Variants in PLEKHB2 observed in about 807,000 individuals in gnomAD.
The protein encoded by PLEKHB2 is pleckstrin homology domain-containing family B member 2.
A neutral mutation model predicts 36.5 loss-of-function variants in PLEKHB2; 31 were observed. The observed-to-expected ratio is 0.85, with a 90% CI of 0.64 to 1.15. The LOEUF (loss-of-function observed/expected upper bound fraction) is 1.15, where lower values mean the gene tolerates loss of function less well. Ranked by LOEUF, PLEKHB2 falls within the 50% of genes most tolerant of loss-of-function variation. PLEKHB2 has a pLI of 0.00. For synonymous variants in PLEKHB2, 119 were observed against 112.0 expected, an observed-to-expected ratio of 1.06 and a Z score of -0.39; for missense variants, 262 against 295.3, an observed-to-expected ratio of 0.89 and a Z score of 0.83.
intron 1 of PLEKHB2, among the ~76,000 whole-genome samples, chr2:131,117,303 C>T (rs574428363): frequency 3.2e-4 from 48 of 150,978 alleles, no homozygotes; most frequent in Admixed American, 2.4e-3. Context: ...GGCACACGCC[C>T]GTAATTCTAG....
intron 1 of PLEKHB2, among the ~76,000 whole-genome samples, chr2:131,111,525 C>T (rs1317371336): frequency 6.7e-6 from 1 of 149,726 alleles, no homozygotes; most frequent in Non-Finnish European, 1.5e-5. Flanking sequence ...AGTCTCACTC[C>T]AGTCACCCAG....
At chr2:131,130,307 G>A (rs1405742745) in intron 4 of PLEKHB2, among the ~76,000 whole-genome samples, 1 of 152,162 alleles carries the variant, frequency 6.6e-6, no homozygotes, top group Admixed American at 6.5e-5. Flanking sequence ...GCCTCCCATA[G>A]TGCTGGGATT....
chr2:131,142,963 T>C (rs1698943021), intron 7 of PLEKHB2, among the ~76,000 whole-genome samples: 1 of 152,172 alleles, frequency 6.6e-6, no homozygotes, highest in Non-Finnish European at 1.5e-5. Flanking sequence ...TTTCCGATGG[T>C]GCGAAAACAA....
intron 1 of PLEKHB2, among the ~76,000 whole-genome samples, chr2:131,119,549 T>G (rs1441818860): frequency 1.3e-5 from 2 of 152,212 alleles, no homozygotes; most frequent in East Asian, 3.9e-4. Context: ...AGTGTTTATA[T>G]ATATATCTGT....
In PLEKHB2 at chr2:131,146,682, G is replaced by A. The variant is rs370762144; in HGVS notation, c.578G>A (p.Arg193His). ...GCTAACCAAGTCATCATTCGAGAGC[G>A]CTATCGAGACAACGACAGCGACCTG... ...QPANQVIIRE[R>H]YRDNDSDLAL... Residue 193 changes from arginine (R) to histidine (H), a missense_variant, in exon 8 of 8, where the codon CGC becomes CAC. Arg to His is a conservative substitution (Grantham distance 29, BLOSUM62 0). Transcript: ENST00000693505. 5 of 1,613,798 alleles carry A rather than the reference G, an allele frequency of 3.1e-6. No homozygotes were observed. The highest frequency in any genetic ancestry group is 2.7e-5 in the African/African-American group (2 of 74,902).
chr2:131,140,340 T>C, intron 7 of PLEKHB2, 65 bp downstream of exon 7: 1 of 811,382 alleles, frequency 1.2e-6, no homozygotes, highest in Non-Finnish European at 2.1e-6. Flanking sequence ...GAGAGACCTG[T>C]AAACGTTTTT....
chr2:131,115,440 G>A (rs181944328), intron 1 of PLEKHB2, among the ~76,000 whole-genome samples: 1 of 130,462 alleles, frequency 7.7e-6, no homozygotes, highest in African/African-American at 2.8e-5. Flanking sequence ...TGCAGTCTCC[G>A]CCTCCCGGGA....
intron 6 of PLEKHB2, among the ~76,000 whole-genome samples, chr2:131,133,365 A>T (rs1697913737): frequency 6.6e-6 from 1 of 152,222 alleles, no homozygotes; most frequent in South Asian, 2.1e-4. Flanking sequence ...AATCATGTCA[A>T]ATACATTGGG....
At chr2:131,138,043 A>G (rs1320407533) in intron 6 of PLEKHB2, among the ~76,000 whole-genome samples, 4 of 134,924 alleles carry the variant, frequency 3.0e-5, no homozygotes, top group African/African-American at 5.7e-5. Flanking sequence ...TTTTACTTCA[A>G]TCTATTGTTC....
chr2:131,130,065 A>G (rs1401060067), intron 4 of PLEKHB2, among the ~76,000 whole-genome samples: 3 of 151,080 alleles, frequency 2.0e-5, no homozygotes, highest in Admixed American at 2.0e-4. Flanking sequence ...TTTTCTTGAG[A>G]TAGAGCCCCT....
chr2:131,140,915 G>A (rs907980534), intron 7 of PLEKHB2, among the ~76,000 whole-genome samples: 1 of 152,244 alleles, frequency 6.6e-6, no homozygotes, highest in African/African-American at 2.4e-5. Flanking sequence ...GGCAGGCGCA[G>A]TGGGCACAGC....
chr2:131,112,439 C>G (rs1695429019), intron 1 of PLEKHB2, among the ~76,000 whole-genome samples: 1 of 152,134 alleles, frequency 6.6e-6, no homozygotes, highest in Admixed American at 6.5e-5. Context: ...TAATCAAACA[C>G]AGGGAGATGG....
At chr2:131,137,706 C>G (rs1698406765) in intron 6 of PLEKHB2, among the ~76,000 whole-genome samples, 1 of 152,016 alleles carries the variant, frequency 6.6e-6, no homozygotes, top group African/African-American at 2.4e-5. Flanking sequence ...AAAGAAATAG[C>G]TTTTCGTTTT....
At position 131,131,797 on chromosome 2, in the gene PLEKHB2, T is replaced by G. The variant is rs149495078; in HGVS notation, c.333+1037T>G. On this transcript the variant is annotated intron_variant, in intron 5 of 7. Transcript: ENST00000693505. ...TTTTGGGTAAAATTAGCATTAACAATCCATACAGTTAAGGGCAAGCTCCCC... is the reference window on the plus strand; with the variant it reads ...TTTTGGGTAAAATTAGCATTAACAAGCCATACAGTTAAGGGCAAGCTCCCC... Among the ~76,000 whole-genome samples, 506 of 143,378 alleles carry G rather than the reference T, an allele frequency of 3.5e-3. 6 individuals are homozygous for G. The highest frequency in any genetic ancestry group is 0.033 in the Admixed American group (473 of 14,210). The allele number at this position is 143,378 out of a possible 152,430, so 94.1% of individuals were successfully genotyped here.
chr2:131,109,041 G>A (rs1695017134), intron 1 of PLEKHB2, among the ~76,000 whole-genome samples: 1 of 152,162 alleles, frequency 6.6e-6, no homozygotes, highest in Non-Finnish European at 1.5e-5. Context: ...AATTTCAAAA[G>A]CATATGATAG....
intron 6 of PLEKHB2, among the ~76,000 whole-genome samples, chr2:131,133,808 G>A (rs554286282): frequency 1.3e-5 from 2 of 152,004 alleles, no homozygotes; most frequent in Non-Finnish European, 2.9e-5. Flanking sequence ...CATATAGCAC[G>A]TGGTCTTGGG....
At chr2:131,121,901 A>T (rs892468206) in intron 2 of PLEKHB2, among the ~76,000 whole-genome samples, 2 of 148,644 alleles carry the variant, frequency 1.3e-5, no homozygotes, top group Admixed American at 1.3e-4. Flanking sequence ...ACTGTGTTTT[A>T]TTTTTATTTA....
chr2:131,108,909 G>A (rs1221188524), intron 1 of PLEKHB2, among the ~76,000 whole-genome samples: 2 of 152,192 alleles, frequency 1.3e-5, no homozygotes, highest in East Asian at 3.8e-4. Flanking sequence ...ATCCTGTCAA[G>A]TAGGTGGTGG....
chr2:131,106,603 A>G (rs902021271), intron 1 of PLEKHB2, among the ~76,000 whole-genome samples: 4 of 152,118 alleles, frequency 2.6e-5, no homozygotes, highest in Non-Finnish European at 4.4e-5. Context: ...TGACGGTTCA[A>G]TTGTGGTGCT....
Sources: gnomAD v4.1 joint callset for allele counts (sites outside exome capture counted in the v4.1 genomes callset) on GRCh38, gnomAD v4.1.1 for gene constraint, MANE v1.5 for transcripts, NCBI Gene and HGNC (gene_info 2026-07-23, HGNC 2026-07-21) for gene names.